Variants in TG observed in about 807,000 individuals in gnomAD.
TG encodes the protein thyroid hormones.
In TG, 270 loss-of-function variants were observed where a neutral mutation model predicts 324.7. The ratio of observed to expected loss-of-function variants is 0.83; its 90% CI spans 0.75 to 0.92. The LOEUF (loss-of-function observed/expected upper bound fraction) is 0.92. TG is among the 40% of genes least tolerant of loss of function. TG has a pLI of 0.00. For synonymous variants in TG, 1,401 were observed against 1,327.0 expected (o/e 1.06, Z -1.21); for missense variants, 3,591 against 3,456.4 (o/e 1.04, Z -0.98).
intron 41 of TG, chr8:133,038,567 C>T (rs1448561356): frequency 6.2e-7 from 1 of 1,614,002 alleles, no homozygotes; most frequent in Non-Finnish European, 8.5e-7. Flanking sequence ...TGAGCTCTTT[C>T]TCTTGCTGCC....
chr8:132,887,605 C>T, intron 9 of TG, 57 bp downstream of exon 9: 1 of 1,609,294 alleles, frequency 6.2e-7, no homozygotes, highest in Non-Finnish European at 8.5e-7. Flanking sequence ...TAGGCCCTGA[C>T]CCAATGCAGT....
intron 35 of TG, chr8:133,003,096 T>C (rs1564062770): frequency 2.0e-6 from 2 of 1,010,586 alleles, no homozygotes; most frequent in Non-Finnish European, 2.4e-6. Flanking sequence ...TACTGGAAGA[T>C]GGTGGTTCCA....
intron 41 of TG, 192 bp from the exon 42 acceptor site, chr8:133,094,852 C>G (rs1848169720): frequency 1.4e-6 from 1 of 720,650 alleles, no homozygotes; most frequent in African/African-American, 1.7e-5. Context: ...GAGACATCTT[C>G]AGTATCACAC....
intron 18 of TG, among the ~76,000 whole-genome samples, chr8:132,910,971 G>C (rs191218314): frequency 6.6e-6 from 1 of 152,314 alleles, no homozygotes; most frequent in East Asian, 1.9e-4. Context: ...GCCACACTTA[G>C]GCTGGGAGGA....
chr8:133,008,541 A>G (rs567945913), intron 35 of TG, among the ~76,000 whole-genome samples: 19 of 152,346 alleles, frequency 1.2e-4, no homozygotes, highest in African/African-American at 4.1e-4. Context: ...TCAATAAACC[A>G]TAGACTCTAC....
intron 26 of TG, among the ~76,000 whole-genome samples, chr8:132,944,462 G>A (rs1824933305): frequency 6.6e-6 from 1 of 152,126 alleles, no homozygotes; most frequent in Admixed American, 6.5e-5. Flanking sequence ...TCTCCCTGGT[G>A]GATTCGAACT....
intron 2 of TG, among the ~76,000 whole-genome samples, chr8:132,868,845 A>T (rs922656091): frequency 2.6e-5 from 4 of 152,208 alleles, no homozygotes; most frequent in Admixed American, 6.5e-5. Context: ...AATAGACAGG[A>T]ATCCTTTGCA....
chr8:132,986,102 A>G (rs1164418216), intron 35 of TG, among the ~76,000 whole-genome samples: 2 of 152,246 alleles, frequency 1.3e-5, no homozygotes, highest in East Asian at 3.9e-4. Flanking sequence ...GATAGGTCCT[A>G]TTATAATATT....
At chr8:133,015,809 T>C (rs1186934682) in intron 37 of TG, among the ~76,000 whole-genome samples, 2 of 152,250 alleles carry the variant, frequency 1.3e-5, no homozygotes, top group Non-Finnish European at 2.9e-5. Context: ...TGATTTGTGA[T>C]TGAGGCCAGA....
At chr8:133,102,002 A>T (rs2958672) in intron 43 of TG, among the ~76,000 whole-genome samples, 33,971 of 152,236 alleles carry the variant, frequency 0.22, 4,302 homozygotes, top group South Asian at 0.3. Flanking sequence ...TGAAGTTGGG[A>T]GATGATTAGT....
chr8:132,908,090 C>A, intron 17 of TG, 96 bp from the exon 18 acceptor site: 1 of 1,436,078 alleles, frequency 7.0e-7, no homozygotes, highest in Non-Finnish European at 9.6e-7. Flanking sequence ...GTTTTGAGCT[C>A]AATGAGGAAG....
intron 35 of TG, among the ~76,000 whole-genome samples, chr8:132,985,093 C>A (rs1295862933): frequency 6.6e-6 from 1 of 152,154 alleles, no homozygotes; most frequent in Admixed American, 6.5e-5. Context: ...TTGGCCTGCT[C>A]TATGTGGGTT....
intron 23 of TG, among the ~76,000 whole-genome samples, chr8:132,933,267 T>G (rs1363366321): frequency 1.3e-5 from 2 of 152,204 alleles, no homozygotes; most frequent in Non-Finnish European, 2.9e-5. Context: ...TGTGTGTGTT[T>G]GGGTGTTTAT....
chr8:133,040,189 G>C, intron 41 of TG: 2 of 1,541,514 alleles, frequency 1.3e-6, no homozygotes, highest in Non-Finnish European at 1.8e-6. Flanking sequence ...CCAGTGTGGG[G>C]TTCAGGCCTG....
chr8:132,868,483 C>G (rs1422621912), intron 2 of TG, among the ~76,000 whole-genome samples: 1 of 152,216 alleles, frequency 6.6e-6, no homozygotes, highest in African/African-American at 2.4e-5. Context: ...GCCCTCCCTT[C>G]TCTTCTTGCC....
intron 35 of TG, among the ~76,000 whole-genome samples, chr8:133,011,592 TTTTC>T (rs1834513761): frequency 6.6e-6 from 1 of 152,220 alleles, no homozygotes; most frequent in Admixed American, 6.5e-5. Flanking sequence ...ATCATGATGT[TTTTC>T]TTTCTTCTCA....
chr8:132,993,156 G>A (rs549380138), intron 35 of TG, among the ~76,000 whole-genome samples: 4 of 152,298 alleles, frequency 2.6e-5, no homozygotes, highest in Admixed American at 2.6e-4. Context: ...TTTATTTATA[G>A]TTATTTGGTT....
chr8:133,047,200 A>G (rs1411439521), intron 41 of TG: 1 of 152,130 alleles, frequency 6.6e-6, no homozygotes, highest in Non-Finnish European at 1.5e-5. Flanking sequence ...CAAAGAGCTC[A>G]CTCTATTTGT....
chr8:132,962,299 T>C (rs546350623), intron 28 of TG, among the ~76,000 whole-genome samples: 1 of 152,270 alleles, frequency 6.6e-6, no homozygotes, highest in East Asian at 1.9e-4. Flanking sequence ...TTTATTCATT[T>C]TCCAGGCAAG....
Sources: gnomAD v4.1 joint callset for allele counts (sites outside exome capture counted in the v4.1 genomes callset) on GRCh38, gnomAD v4.1.1 for gene constraint, MANE v1.5 for transcripts, NCBI Gene and HGNC (gene_info 2026-07-23, HGNC 2026-07-21) for gene names.